CNGB3: variants seen among roughly 807,000 people sequenced by gnomAD.
CNGB3 encodes the protein cyclic nucleotide gated channel subunit beta 3, also known as cyclic nucleotide-gated channel beta-3.
In CNGB3, 86 loss-of-function variants were observed where a neutral mutation model predicts 92.8. The ratio of observed to expected loss-of-function variants is 0.93; its 90% CI spans 0.78 to 1.11. The LOEUF (loss-of-function observed/expected upper bound fraction) is 1.11. CNGB3 is among the 50% of genes least tolerant of loss of function. CNGB3 has a pLI of 0.00. For synonymous variants in CNGB3, 333 were observed against 332.7 expected (o/e 1.00, Z -0.01); for missense variants, 1,026 against 956.8 (o/e 1.07, Z -0.95).
intron 3 of CNGB3, among the ~76,000 whole-genome samples, chr8:86,702,346 T>A (rs1200313972): frequency 6.6e-6 from 1 of 152,206 alleles, no homozygotes; most frequent in Non-Finnish European, 1.5e-5. Flanking sequence ...TCATTGGGCA[T>A]TTAAGATGAA....
In CNGB3 at chr8:86,668,066, T is replaced by C. The variant is rs1464338448; in HGVS notation, c.596A>G (p.Glu199Gly). 6.2e-7 allele frequency: 1 copy of C among 1,614,080 alleles called. No homozygotes were observed. Among genetic ancestry groups the C allele is most frequent in the Non-Finnish European group, 8.5e-7 (1 of 1,179,970 alleles). ...WFKVKKMPLTEYLKRIKLPNS... is the reference protein window; with the variant it reads ...WFKVKKMPLTGYLKRIKLPNS... The stretch of plus-strand genomic sequence containing the variant: ...TGGAAGTTTAATTCGCTTTAAGTAC[T>C]CTGTTAAAGGCATCTTTTTGACTTT... Residue 199 changes from glutamate (E) to glycine (G), a missense_variant, in exon 5 of 18, where the codon GAG becomes GGG. By Grantham distance (98) the Glu-to-Gly change is moderately conservative. Coordinates refer to ENST00000320005, the MANE Select transcript of CNGB3 (RefSeq NM_019098.5).
At chr8:86,603,278 A>G (rs1360147912) in intron 15 of CNGB3, among the ~76,000 whole-genome samples, 1 of 152,168 alleles carries the variant, frequency 6.6e-6, no homozygotes, top group African/African-American at 2.4e-5. Context: ...CTTGTCTAAT[A>G]TTTTTATATA....
rs1247638495 is a variant in CNGB3 at position 86,667,127 on chromosome 8, A to C, written c.650T>G (p.Leu217Arg). Residue 217 changes from leucine to arginine, a missense_variant, in exon 6 of 18, where the codon CTC (leucine) becomes CGC (arginine). Coordinates refer to ENST00000320005, the MANE Select transcript of CNGB3 (RefSeq NM_019098.5). ...PNSIDSYTDR[L>R]YLLWLLLVTL... ...GACAAGCAAGAGCCACAGGAGATAG[A>C]GTCGATCTGGAAAAACAGCAAGTGG... is the stretch of plus-strand genomic sequence containing the variant. 1 of 1,613,878 alleles carries C rather than the reference A, an allele frequency of 6.2e-7. No homozygotes were observed. Among genetic ancestry groups the C allele is most frequent in the Admixed American group, 1.7e-5 (1 of 59,990 alleles).
intron 10 of CNGB3, 108 bp downstream of exon 10, chr8:86,643,643 A>T: frequency 2.4e-6 from 3 of 1,230,424 alleles, no homozygotes; most frequent in Non-Finnish European, 3.5e-6. Flanking sequence ...TTTACCAGCC[A>T]TTGAATGGGT....
At chr8:86,583,247 G>GTTGTGTTT (rs1821826685) in intron 15 of CNGB3, among the ~76,000 whole-genome samples, 1 of 152,130 alleles carries the variant, frequency 6.6e-6, no homozygotes, top group East Asian at 1.9e-4. Context: ...GTTTAATAAA[G>GTTGTGTTT]TGGTAATGTG....
intron 3 of CNGB3, among the ~76,000 whole-genome samples, chr8:86,721,112 G>A (rs1024607499): frequency 1.3e-5 from 2 of 151,852 alleles, no homozygotes; most frequent in African/African-American, 2.4e-5. Context: ...GATTAGAGGT[G>A]CACGCCACCA....
intron 10 of CNGB3, among the ~76,000 whole-genome samples, chr8:86,633,415 G>A (rs1823001137): frequency 6.6e-6 from 1 of 152,226 alleles, no homozygotes; most frequent in South Asian, 2.1e-4. Context: ...GATTGGAACA[G>A]TAGAGGGTGG....
chr8:86,592,733 T>G (rs1302024973), intron 15 of CNGB3, among the ~76,000 whole-genome samples: 1 of 152,220 alleles, frequency 6.6e-6, no homozygotes, highest in Non-Finnish European at 1.5e-5. Flanking sequence ...ATGCTATCAA[T>G]GGAAAGAACA....
chr8:86,597,593 A>C (rs1822200762), intron 15 of CNGB3, among the ~76,000 whole-genome samples: 1 of 152,180 alleles, frequency 6.6e-6, no homozygotes, highest in Non-Finnish European at 1.5e-5. Flanking sequence ...GAAAGCATCC[A>C]GGCGGAGGTA....
At chr8:86,717,320 G>A (rs1824874201) in intron 3 of CNGB3, among the ~76,000 whole-genome samples, 1 of 152,112 alleles carries the variant, frequency 6.6e-6, no homozygotes, top group Non-Finnish European at 1.5e-5. Flanking sequence ...TCAGCACTTT[G>A]AGAGGCCAAG....
chr8:86,636,145 A>AT (rs1823066893), intron 10 of CNGB3, among the ~76,000 whole-genome samples: 1 of 151,892 alleles, frequency 6.6e-6, no homozygotes, highest in African/African-American at 2.4e-5. Context: ...AAACCTTCTT[A>AT]TTTTTTGGAT....
chr8:86,743,109 G>A (rs1019179465), intron 1 of CNGB3, among the ~76,000 whole-genome samples: 1 of 152,008 alleles, frequency 6.6e-6, no homozygotes. Flanking sequence ...AGAGCCAATA[G>A]GTTTCCTATT....
In CNGB3 at chr8:86,604,215, C is replaced by G; in HGVS notation, c.1663-4G>C. 6.4e-7 allele frequency: 1 copy of G among 1,556,768 alleles called. No individual in the cohort carries two copies. The highest frequency in any genetic ancestry group is 8.9e-7 in the Non-Finnish European group (1 of 1,128,120). On this transcript the variant is annotated splice_region_variant and splice_polypyrimidine_tract_variant and intron_variant, in intron 14 of 17. Transcript: ENST00000320005. ...ACATTTCCTTGCCAATTTCTCCCTA[C>G]ATTTTAAATATAAAGAGGAAATGGT...
chr8:86,661,852 G>T, intron 6 of CNGB3: 1 of 1,301,128 alleles, frequency 7.7e-7, no homozygotes, highest in Non-Finnish European at 1.1e-6. Flanking sequence ...GGACGTTCCA[G>T]AACTGATGTC....
intron 13 of CNGB3, among the ~76,000 whole-genome samples, chr8:86,617,902 TTTTC>T (rs1202052963): frequency 2.0e-5 from 3 of 152,176 alleles, no homozygotes; most frequent in African/African-American, 7.2e-5. Context: ...TTATTGTGCA[TTTTC>T]TTTCTATTTA....
At chr8:86,614,025 T>C (rs1270673778) in intron 13 of CNGB3, among the ~76,000 whole-genome samples, 3 of 150,694 alleles carry the variant, frequency 2.0e-5, no homozygotes, top group Admixed American at 1.3e-4. Flanking sequence ...AATATATGTA[T>C]ATATACACAC....
intron 15 of CNGB3, among the ~76,000 whole-genome samples, chr8:86,593,070 AT>A (rs59658804): frequency 6.6e-6 from 1 of 152,002 alleles, no homozygotes; most frequent in East Asian, 1.9e-4. Flanking sequence ...GTTAGCCTAG[AT>A]TTTTTTTCTG....
chr8:86,576,430 G>C (rs1821663795), intron 17 of CNGB3, among the ~76,000 whole-genome samples: 1 of 151,858 alleles, frequency 6.6e-6, no homozygotes, highest in Admixed American at 6.6e-5. Flanking sequence ...TCAGTGCTCA[G>C]GACTCTGTTT....
rs1057517388 is a variant in CNGB3, at chr8:86,578,865, T to C, written c.1929-2A>G. On this transcript the variant is annotated splice_acceptor_variant, in intron 16 of 17. Coordinates refer to ENST00000320005, the MANE Select transcript of CNGB3 (RefSeq NM_019098.5). LOFTEE classifies it high-confidence loss of function. ...TTAGCCTTCTGCTTTAAAAGCACTC[T>C]GTGGGTAAGAGAGAAAAGCTGTTTT... 2 of 1,614,198 alleles carry C rather than the reference T, an allele frequency of 1.2e-6. No homozygotes were observed. The highest frequency in any genetic ancestry group is 1.7e-6 in the Non-Finnish European group (2 of 1,180,018).
Sources: gnomAD v4.1 joint callset for allele counts (sites outside exome capture counted in the v4.1 genomes callset) on GRCh38, gnomAD v4.1.1 for gene constraint, MANE v1.5 for transcripts, NCBI Gene and HGNC (gene_info 2026-07-23, HGNC 2026-07-21) for gene names.